The following RGS6 variants were observed in gnomAD, a reference collection of about 807,000 sequenced individuals.
RGS6 encodes the protein regulator of G protein signaling 6.
In RGS6, 30 loss-of-function variants were observed where a neutral mutation model predicts 78.5. That is an observed-to-expected ratio of 0.38 (90% CI 0.29 to 0.52). RGS6 has a LOEUF of 0.52. Ranked by LOEUF, RGS6 falls within the 20% of genes least tolerant of loss-of-function variation. RGS6 has a pLI of 0.85. For missense variants in RGS6, 495 were observed against 609.7 expected, an observed-to-expected ratio of 0.81 and a Z score of 1.98; for synonymous variants, 206 against 206.0, an observed-to-expected ratio of 1.00 and a Z score of 0.00.
chr14:71,951,434 A>G (rs915708077), intron 1 of RGS6, among the ~76,000 whole-genome samples: 1 of 152,174 alleles, frequency 6.6e-6, no homozygotes, highest in African/African-American at 2.4e-5. Flanking sequence ...GGACAGCATC[A>G]GGAAAAATAG....
chr14:72,485,440 C>T (rs577729926), intron 12 of RGS6, among the ~76,000 whole-genome samples: 5 of 152,252 alleles, frequency 3.3e-5, no homozygotes, highest in African/African-American at 9.6e-5. Context: ...GTGCGTTGGC[C>T]ATTGCTGCCT....
chr14:72,040,602 G>A (rs2092309263), intron 2 of RGS6, among the ~76,000 whole-genome samples: 1 of 152,016 alleles, frequency 6.6e-6, no homozygotes, highest in African/African-American at 2.4e-5. Context: ...GGCTCTTCAG[G>A]TTCATCCTAG....
the RGS6 span, among the ~76,000 whole-genome samples, chr14:72,575,464 C>T: frequency 1.3e-5 from 2 of 152,100 alleles, no homozygotes; most frequent in African/African-American, 2.4e-5. Flanking sequence ...GGACAACCAA[C>T]GTTCCTTCAG....
At chr14:72,417,852 T>C (rs555181366) in intron 3 of RGS6, among the ~76,000 whole-genome samples, 2 of 152,298 alleles carry the variant, frequency 1.3e-5, no homozygotes, top group East Asian at 3.9e-4. Flanking sequence ...TCCATATCTG[T>C]AACAAGAAGC....
At chr14:72,382,838 T>G (rs2086557645) in intron 3 of RGS6, among the ~76,000 whole-genome samples, 1 of 152,184 alleles carries the variant, frequency 6.6e-6, no homozygotes, top group South Asian at 2.1e-4. Context: ...ATCCCAATTA[T>G]GTAAAGTTTA....
the RGS6 span, among the ~76,000 whole-genome samples, chr14:71,907,740 A>G: frequency 6.6e-6 from 1 of 152,138 alleles, no homozygotes; most frequent in African/African-American, 2.4e-5. Flanking sequence ...TGGCCCATGC[A>G]AGAAATGATG....
At chr14:72,472,779 G>C (rs1171655362) in intron 8 of RGS6, 93 bp from the exon 9 acceptor site, 2 of 863,790 alleles carry the variant, frequency 2.3e-6, no homozygotes, top group African/African-American at 3.4e-5. Context: ...TGTTCACTTA[G>C]CCCCTAGCAA....
In RGS6 at chr14:72,106,940, C is replaced by CT. The variant is rs770134574; in HGVS notation, c.84+142072dup. 7.2e-5 allele frequency among the ~76,000 whole-genome samples: 11 copies of CT among 152,022 alleles called. No individual in the cohort carries two copies. In the East Asian group the frequency reaches 1.9e-3, roughly 27 times the overall value. On this transcript the variant is annotated intron_variant, in intron 2 of 17. Transcript: ENST00000553525. ...ACTGCGTTTTTTGTTTTTTTCTTTT[C>CT]TTTTTTTCATCAGGAGGCGCAGGAA...
At chr14:72,023,470 C>T (rs2089169368) in intron 2 of RGS6, among the ~76,000 whole-genome samples, 1 of 152,070 alleles carries the variant, frequency 6.6e-6, no homozygotes, top group Non-Finnish European at 1.5e-5. Context: ...TAGAACATTC[C>T]CCAGGAAAAT....
intron 2 of RGS6, among the ~76,000 whole-genome samples, chr14:72,021,905 A>AT (rs2088680799): frequency 6.6e-6 from 1 of 151,566 alleles, no homozygotes; most frequent in East Asian, 1.9e-4. Flanking sequence ...CCCAATAATT[A>AT]TTTTTTCTGC....
intron 3 of RGS6, among the ~76,000 whole-genome samples, chr14:72,417,127 G>T (rs1477830742): frequency 6.6e-6 from 1 of 152,236 alleles, no homozygotes; most frequent in African/African-American, 2.4e-5. Context: ...ATGAAGGGCA[G>T]ACATGAAATT....
At chr14:72,235,228 C>G (rs1219369053) in intron 2 of RGS6, among the ~76,000 whole-genome samples, 2 of 152,134 alleles carry the variant, frequency 1.3e-5, no homozygotes, top group East Asian at 1.9e-4. Flanking sequence ...CAATCCCAGT[C>G]TCTCCCACAC....
chr14:72,255,010 G>A (rs1294536404), intron 2 of RGS6, among the ~76,000 whole-genome samples: 1 of 152,202 alleles, frequency 6.6e-6, no homozygotes, highest in Non-Finnish European at 1.5e-5. Flanking sequence ...TGGATTTTAT[G>A]GTTTTGAGGC....
intron 3 of RGS6, among the ~76,000 whole-genome samples, chr14:72,417,143 G>A (rs866398678): frequency 5.3e-5 from 8 of 152,196 alleles, no homozygotes; most frequent in Non-Finnish European, 8.8e-5. Flanking sequence ...AAATTGTGCC[G>A]CCAGCGTTCT....
intron 2 of RGS6, among the ~76,000 whole-genome samples, chr14:72,047,596 C>T (rs1010611836): frequency 1.2e-4 from 18 of 152,332 alleles, no homozygotes; most frequent in African/African-American, 4.3e-4. Flanking sequence ...ACAAAGATCA[C>T]TTTCTTATAC....
At chr14:72,404,991 G>A (rs901959389) in intron 3 of RGS6, among the ~76,000 whole-genome samples, 3 of 152,206 alleles carry the variant, frequency 2.0e-5, no homozygotes, top group Non-Finnish European at 2.9e-5. Context: ...AGAACTTAAA[G>A]GGATTCACAA....
chr14:72,048,625 A>T (rs923834596), intron 2 of RGS6, among the ~76,000 whole-genome samples: 3 of 152,112 alleles, frequency 2.0e-5, no homozygotes, highest in African/African-American at 7.2e-5. Context: ...GCTTTGGGAG[A>T]TACTAGGTTA....
rs189488265 is a variant in RGS6 at position 72,361,517 on chromosome 14, T to C, written c.184+9323T>C. ...TGATTAGATGGTGGCATGTTTGAAA[T>C]TGAGATTCTGGAAAGATTGTGATTA... On this transcript the variant is annotated intron_variant, in intron 3 of 17. Coordinates refer to ENST00000553525, the MANE Select transcript of RGS6 (RefSeq NM_001204424.2). Among the ~76,000 whole-genome samples the C allele has an allele frequency of 1.8e-3, 275 of 152,252 alleles. 1 individual carries two copies. The highest frequency in any genetic ancestry group is 5.7e-3 in the African/African-American group (235 of 41,528).
chr14:72,586,252 G>A, the RGS6 span, among the ~76,000 whole-genome samples: 1 of 152,228 alleles, frequency 6.6e-6, no homozygotes, highest in African/African-American at 2.4e-5. Context: ...TGTTGGTGGA[G>A]GTACGGCATG....
Sources: gnomAD v4.1 joint callset for allele counts (sites outside exome capture counted in the v4.1 genomes callset) on GRCh38, gnomAD v4.1.1 for gene constraint, MANE v1.5 for transcripts, NCBI Gene and HGNC (gene_info 2026-07-23, HGNC 2026-07-21) for gene names.